SORBS2: variants seen among roughly 807,000 people sequenced by gnomAD.
SORBS2 encodes the protein sorbin and SH3 domain-containing protein 2.
Under a neutral mutation model 97.7 loss-of-function variants are expected in SORBS2, and 46 were observed. The ratio of observed to expected loss-of-function variants is 0.47; its 90% CI spans 0.37 to 0.60. The LOEUF is 0.60. SORBS2 is among the 20% of genes least tolerant of loss of function. The pLI is 0.00. For missense variants in SORBS2, 1,316 were observed against 1,282.3 expected (o/e 1.03, Z -0.40); for synonymous variants, 476 against 473.4 (o/e 1.01, Z -0.07).
chr4:185,787,722 C>T lies in SORBS2; in HGVS notation c.-337-12356G>A, dbSNP rs146138048. Among the ~76,000 whole-genome samples, 479 of 152,302 alleles carry T rather than the reference C, an allele frequency of 3.1e-3. 1 individual carries two copies. Among genetic ancestry groups the T allele is most frequent in the African/African-American group, 0.011 (455 of 41,556 alleles). ...GTACTCTTGGGTTTTATGGCTAAAT[C>T]CAGCAACGCAGATTGTGGGCGGGCA... On this transcript the variant is annotated intron_variant, in intron 1 of 20. Transcript: ENST00000284776.
chr4:185,822,819 C>G (rs1026713399), intron 1 of SORBS2, among the ~76,000 whole-genome samples: 2 of 152,162 alleles, frequency 1.3e-5, no homozygotes, highest in Admixed American at 6.5e-5. Flanking sequence ...TCTGAGAGTT[C>G]TGAGAACGCC....
chr4:185,806,348 A>G (rs896638412), intron 1 of SORBS2, among the ~76,000 whole-genome samples: 1 of 151,194 alleles, frequency 6.6e-6, no homozygotes, highest in African/African-American at 2.4e-5. Context: ...CTTTCTGTGC[A>G]TTTAAAACAC....
chr4:185,912,922 A>G (rs1163476975), intron 1 of SORBS2, among the ~76,000 whole-genome samples: 1 of 152,238 alleles, frequency 6.6e-6, no homozygotes, highest in Non-Finnish European at 1.5e-5. Context: ...TACTGCTGAC[A>G]TTAACACCCA....
At chr4:185,704,274 C>T (rs2098307858) in intron 2 of SORBS2, among the ~76,000 whole-genome samples, 1 of 152,088 alleles carries the variant, frequency 6.6e-6, no homozygotes, top group Non-Finnish European at 1.5e-5. Flanking sequence ...TCCAGTATTC[C>T]TCACCTCAGA....
chr4:185,693,027 G>A (rs981503235), intron 2 of SORBS2, among the ~76,000 whole-genome samples: 8 of 152,082 alleles, frequency 5.3e-5, no homozygotes, highest in Non-Finnish European at 8.8e-5. Flanking sequence ...ATCGTTGTCC[G>A]TCTGCCCTGG....
chr4:185,705,611 T>A (rs57011530), intron 2 of SORBS2, among the ~76,000 whole-genome samples: 4 of 152,202 alleles, frequency 2.6e-5, no homozygotes, highest in African/African-American at 9.7e-5. Flanking sequence ...ATGTTCTATA[T>A]GCAAACATGA....
intron 2 of SORBS2, among the ~76,000 whole-genome samples, chr4:185,765,935 T>C (rs2098931957): frequency 6.6e-6 from 1 of 152,232 alleles, no homozygotes; most frequent in African/African-American, 2.4e-5. Flanking sequence ...TTTGTCTTAT[T>C]CTGCCTTGAA....
chr4:185,595,749 G>T (rs1580514169), intron 12 of SORBS2, among the ~76,000 whole-genome samples: 1 of 146,196 alleles, frequency 6.8e-6, no homozygotes, highest in Non-Finnish European at 1.5e-5. Flanking sequence ...TAGTTTTGAA[G>T]TTAGAATTGG....
chr4:185,692,095 T>C (rs1414651540), intron 2 of SORBS2, among the ~76,000 whole-genome samples: 7 of 152,238 alleles, frequency 4.6e-5, no homozygotes. Flanking sequence ...AGCCCATTTA[T>C]GGAGTTTCTT....
intron 1 of SORBS2, among the ~76,000 whole-genome samples, chr4:185,801,859 T>C (rs2153658570): frequency 6.6e-6 from 1 of 152,270 alleles, no homozygotes; most frequent in Admixed American, 6.5e-5. Context: ...TGAGCCTCAG[T>C]TTCTTCTTTT....
intron 2 of SORBS2, among the ~76,000 whole-genome samples, chr4:185,724,645 G>A (rs2098542894): frequency 6.6e-6 from 1 of 152,052 alleles, no homozygotes; most frequent in South Asian, 2.1e-4. Context: ...GTGACCTCAA[G>A]GCCACCCCAT....
At chr4:185,632,822 C>T (rs2096930061) in intron 4 of SORBS2, among the ~76,000 whole-genome samples, 1 of 152,172 alleles carries the variant, frequency 6.6e-6, no homozygotes, top group Non-Finnish European at 1.5e-5. Context: ...TCTCCTTGTA[C>T]TGGTTTCTAC....
At chr4:185,703,079 C>G (rs894118661) in intron 2 of SORBS2, among the ~76,000 whole-genome samples, 1 of 152,164 alleles carries the variant, frequency 6.6e-6, no homozygotes, top group Admixed American at 6.5e-5. Flanking sequence ...CAAGCTGTCT[C>G]CCTCTTTGTT....
At chr4:185,781,496 T>C (rs903148937) in intron 1 of SORBS2, among the ~76,000 whole-genome samples, 2 of 151,880 alleles carry the variant, frequency 1.3e-5, no homozygotes, top group African/African-American at 2.4e-5. Flanking sequence ...GCCTCCAGCC[T>C]CTCTAGCCTC....
chr4:185,760,591 G>C (rs1448450569), intron 2 of SORBS2, among the ~76,000 whole-genome samples: 2 of 152,142 alleles, frequency 1.3e-5, no homozygotes, highest in East Asian at 3.9e-4. Context: ...AAATGCATCT[G>C]TATAGGCATC....
At chr4:185,622,334 G>A (rs2096731663) in intron 7 of SORBS2, among the ~76,000 whole-genome samples, 1 of 152,124 alleles carries the variant, frequency 6.6e-6, no homozygotes, top group Non-Finnish European at 1.5e-5. Context: ...TATATATATA[G>A]CTTAAAGATA....
At chr4:185,926,541 C>G (rs1404645276) in intron 1 of SORBS2, among the ~76,000 whole-genome samples, 2 of 117,252 alleles carry the variant, frequency 1.7e-5, no homozygotes, top group African/African-American at 5.6e-5. Flanking sequence ...TTGAAATGTT[C>G]AAGTTGTGGT....
At position 185,606,394 on chromosome 4, in the gene SORBS2, C is replaced by T. The variant is rs1056775772; in HGVS notation, c.2796+5386G>A. ...AAAATGGGATAATGGAATTATATCA[C>T]ATATTTACATCATTTAATTAAATAT... On this transcript the variant is annotated intron_variant, in intron 12 of 14. Transcript: ENST00000418609. This position sits in a 1 kb window ranked among gnomAD's most constrained non-coding sequence, Gnocchi z 4.3. 3.1e-6 allele frequency: 3 copies of T among 962,788 alleles called. No individual in the cohort carries two copies. In the South Asian group the frequency reaches 1.4e-4, roughly 46 times the overall value. The allele number at this position is 962,788 out of a possible 1,614,324, so 59.6% of individuals were successfully genotyped here. A position where few individuals can be genotyped will look rare whatever the true frequency, so the allele number is the denominator to read the frequency against.
intron 1 of SORBS2, among the ~76,000 whole-genome samples, chr4:185,928,700 C>T (rs1027043921): frequency 1.3e-5 from 2 of 152,148 alleles, no homozygotes; most frequent in African/African-American, 2.4e-5. Flanking sequence ...CGCCTGCCAC[C>T]ACGCCTGGCT....
Sources: allele counts gnomAD v4.1 joint callset (sites outside exome capture counted in the v4.1 genomes callset), GRCh38; gene constraint gnomAD v4.1.1; non-coding constraint Gnocchi (gnomAD v3.1); transcripts MANE v1.5; gene names NCBI Gene and HGNC (gene_info 2026-07-23, HGNC 2026-07-21).